Variants in KRABD3 observed in about 807,000 individuals in gnomAD.
KRABD3 encodes the protein KRAB domain-containing protein 3.
At chr7:149,728,485 T>C in the KRABD3 span, 2 of 1,606,172 alleles carry the variant, frequency 1.2e-6, no homozygotes, top group South Asian at 2.2e-5. Context: ...GAGATTGAGC[T>C]ACAGTCCCCC....
At chr7:149,724,970 C>A in the KRABD3 span, 4 of 835,548 alleles carry the variant, frequency 4.8e-6, no homozygotes, top group Non-Finnish European at 7.1e-6. Flanking sequence ...CCTTTCTTCC[C>A]AAGCAGTGAA....
the KRABD3 span, chr7:149,729,390 C>T: frequency 1.8e-5 from 26 of 1,424,144 alleles, no homozygotes; most frequent in South Asian, 6.4e-5. Context: ...CACCTGCCCT[C>T]GGTACTGACA....
At chr7:149,724,705 C>T in the KRABD3 span, 1 of 1,550,344 alleles carries the variant, frequency 6.5e-7, no homozygotes, top group Non-Finnish European at 8.7e-7. Context: ...AGCTGGCGGT[C>T]TGCTCTCTGT....
At chr7:149,730,433 G>T in the KRABD3 span, 21 of 1,591,682 alleles carry the variant, frequency 1.3e-5, no homozygotes, top group East Asian at 4.8e-4. Context: ...GTTAGAGAGG[G>T]ACCGCCTTCC....
chr7:149,720,013 G>A, the KRABD3 span: 1 of 1,546,688 alleles, frequency 6.5e-7, no homozygotes, highest in Non-Finnish European at 8.7e-7. Context: ...CCCAGGGACA[G>A]CTGAGCTGCT....
the KRABD3 span, chr7:149,723,028 A>G: frequency 2.4e-6 from 3 of 1,256,294 alleles, no homozygotes; most frequent in Non-Finnish European, 3.2e-6. Context: ...CTCCTGCTCC[A>G]AACTGTCTCC....
the KRABD3 span, chr7:149,729,290 G>T: frequency 6.2e-7 from 1 of 1,603,034 alleles, no homozygotes; most frequent in Non-Finnish European, 8.5e-7. Context: ...TTCACCTCCA[G>T]CTGCGTCCCC....
At chr7:149,716,631 T>G in the KRABD3 span, among the ~76,000 whole-genome samples, 1 of 152,186 alleles carries the variant, frequency 6.6e-6, no homozygotes, top group Non-Finnish European at 1.5e-5. Flanking sequence ...CAAAACAGTT[T>G]GTCTTGAGGC....
the KRABD3 span, chr7:149,729,657 C>A: frequency 1.0e-6 from 1 of 985,470 alleles, no homozygotes; most frequent in Non-Finnish European, 1.2e-6. Flanking sequence ...ACTGCTGCTG[C>A]TTGGTTTAAC....
chr7:149,715,078 G>A, the KRABD3 span: 1 of 1,230,740 alleles, frequency 8.1e-7, no homozygotes. Context: ...TAAGGCAGGC[G>A]GACGCGCGGA....
At chr7:149,729,440 T>G in the KRABD3 span, 1 of 1,294,660 alleles carries the variant, frequency 7.7e-7, no homozygotes, top group Non-Finnish European at 9.9e-7. Flanking sequence ...GAAATAGACT[T>G]CCCTCTCTGT....
the KRABD3 span, among the ~76,000 whole-genome samples, chr7:149,718,232 T>G: frequency 6.6e-6 from 1 of 152,088 alleles, no homozygotes; most frequent in Non-Finnish European, 1.5e-5. Flanking sequence ...CATAGTAAGG[T>G]CCTGTCTTTT....
chr7:149,722,507 C>G, the KRABD3 span: 1 of 1,606,942 alleles, frequency 6.2e-7, no homozygotes, highest in Non-Finnish European at 8.5e-7. Flanking sequence ...ATAGCCCCAG[C>G]AGGAGGAAGA....
chr7:149,727,372 G>A, the KRABD3 span, among the ~76,000 whole-genome samples: 1 of 152,194 alleles, frequency 6.6e-6, no homozygotes, highest in Non-Finnish European at 1.5e-5. Flanking sequence ...TTGGGTGTGG[G>A]GCTTTTCCCC....
the KRABD3 span, chr7:149,721,565 A>G: frequency 6.2e-7 from 1 of 1,606,028 alleles, no homozygotes; most frequent in Non-Finnish European, 8.5e-7. Flanking sequence ...GACAGGGAGA[A>G]CCAGCATTTC....
chr7:149,733,480 C>T, the KRABD3 span: 1 of 1,580,908 alleles, frequency 6.3e-7, no homozygotes, highest in Admixed American at 1.8e-5. Context: ...GGAGGCGCCC[C>T]CAAGGCCCTG....
At chr7:149,723,627 A>G in the KRABD3 span, 15 of 1,082,634 alleles carry the variant, frequency 1.4e-5, no homozygotes, top group Non-Finnish European at 2.0e-5. Flanking sequence ...GAAGAGCCTC[A>G]TCTTCAGAGT....
chr7:149,721,298 G>T, the KRABD3 span: 2 of 1,468,510 alleles, frequency 1.4e-6, no homozygotes, highest in Non-Finnish European at 1.8e-6. Flanking sequence ...TTAGTACATG[G>T]CAAGGAAAGG....
chr7:149,721,678 C>A, the KRABD3 span: 1 of 939,972 alleles, frequency 1.1e-6, no homozygotes, highest in Non-Finnish European at 1.7e-6. Flanking sequence ...TAACAAAGTA[C>A]GCCAGGGAGC....
Sources: gnomAD v4.1 joint callset for allele counts (sites outside exome capture counted in the v4.1 genomes callset) on GRCh38, gnomAD v4.1.1 for gene constraint, MANE v1.5 for transcripts, NCBI Gene and HGNC (gene_info 2026-07-23, HGNC 2026-07-21) for gene names.